Variants in KANSL1 observed in about 807,000 individuals in gnomAD.
KANSL1 encodes MLL1/MLL complex subunit KANSL1.
A neutral mutation model predicts 103.6 loss-of-function variants in KANSL1; 22 were observed. The observed-to-expected ratio is 0.21, with a 90% CI of 0.15 to 0.30. The LOEUF (loss-of-function observed/expected upper bound fraction) is 0.30. Ranked by LOEUF, KANSL1 falls within the 10% of genes least tolerant of loss-of-function variation. The pLI, the probability that KANSL1 is intolerant of heterozygous loss-of-function variation, is 1.00. For missense variants in KANSL1, 1,337 were observed against 1,399.8 expected (o/e 0.96, Z 0.72); for synonymous variants, 600 against 527.6 (o/e 1.14, Z -1.88).
intron 1 of KANSL1, among the ~76,000 whole-genome samples, chr17:46,217,279 C>T (rs2048369795): frequency 6.6e-6 from 1 of 151,906 alleles, no homozygotes; most frequent in Non-Finnish European, 1.5e-5. Context: ...AGTTCGAGAC[C>T]AGCCTGGCCA....
intron 6 of KANSL1, among the ~76,000 whole-genome samples, chr17:46,060,882 A>G (rs2078133430): frequency 6.6e-6 from 1 of 152,248 alleles, no homozygotes; most frequent in Non-Finnish European, 1.5e-5. Flanking sequence ...GACTACTCGG[A>G]ATTCTATGGA....
At chr17:46,113,138 T>C (rs777914714) in intron 2 of KANSL1, among the ~76,000 whole-genome samples, 1 of 152,212 alleles carries the variant, frequency 6.6e-6, no homozygotes, top group Non-Finnish European at 1.5e-5. Flanking sequence ...GGGATGGTAC[T>C]TGGTAGAGGC....
intron 2 of KANSL1, chr17:46,152,907 C>G (rs1485390591): frequency 6.6e-6 from 1 of 152,236 alleles, no homozygotes; most frequent in Non-Finnish European, 1.5e-5. Flanking sequence ...TACTTAGAAT[C>G]ACGATGAAAC....
chr17:46,106,565 G>C (rs1567681708), intron 2 of KANSL1, among the ~76,000 whole-genome samples: 1 of 152,076 alleles, frequency 6.6e-6, no homozygotes, highest in Non-Finnish European at 1.5e-5. Context: ...GCTAATTTTT[G>C]TATTTTTAGT....
rs1009401086 is a variant in KANSL1 at position 46,129,998 on chromosome 17, C to T, written c.1290-35297G>A. Among the ~76,000 whole-genome samples the T allele has an allele frequency of 2.0e-5, 3 of 151,908 alleles. No homozygotes were observed. The East Asian group carries it at 5.8e-4, about 29-fold the overall frequency. On this transcript the variant is annotated intron_variant, in intron 2 of 14. Coordinates refer to ENST00000432791, the MANE Select transcript of KANSL1 (RefSeq NM_015443.4). ...CCCAGGACATCAAGACCAGCCCGGG[C>T]AACATGGTGAAATCCCATCTCTACT...
At chr17:46,052,960 T>C (rs2077768944) in intron 6 of KANSL1, among the ~76,000 whole-genome samples, 1 of 35,394 alleles carries the variant, frequency 2.8e-5, no homozygotes, top group Non-Finnish European at 5.0e-5. Context: ...TAAGATCCTG[T>C]CTCCAAAAAA....
intron 6 of KANSL1, among the ~76,000 whole-genome samples, chr17:46,052,807 A>T (rs1457718991): frequency 1.3e-5 from 2 of 148,638 alleles, no homozygotes; most frequent in African/African-American, 4.9e-5. Context: ...AAAAAAAAAA[A>T]AAAAAAATTT....
intron 4 of KANSL1, 72 bp downstream of exon 4, chr17:46,082,367 CAG>C: frequency 2.2e-6 from 2 of 896,478 alleles, no homozygotes; most frequent in Non-Finnish European, 3.6e-6. Flanking sequence ...ATCCTAGTTA[CAG>C]AGAAAAAACG....
intron 4 of KANSL1, among the ~76,000 whole-genome samples, chr17:46,073,054 G>A (rs913248719): frequency 1.3e-5 from 2 of 152,162 alleles, no homozygotes; most frequent in Admixed American, 1.3e-4. Flanking sequence ...GCCAATATCT[G>A]TCCCTTTACC....
rs71138525 is a variant in KANSL1 at position 46,096,311 on chromosome 17, C to CTTTTTTTTTTTTTTTTTTTTTTTTTT, written c.1290-1611_1290-1610insAAAAAAAAAAAAAAAAAAAAAAAAAA. On this transcript the variant is annotated intron_variant, in intron 2 of 14. Coordinates refer to ENST00000432791, the MANE Select transcript of KANSL1 (RefSeq NM_015443.4). The stretch of plus-strand genomic sequence containing the variant: ...CATACTACATACCTGGCTTTTTTTT[C>CTTTTTTTTTTTTTTTTTTTTTTTTTT]TTTTTTTTTTTTTTTTTTTTTGAGA... 1.8e-3 allele frequency among the ~76,000 whole-genome samples: 134 copies of CTTTTTTTTTTTTTTTTTTTTTTTTTT among 76,388 alleles called. 7 individuals carry two copies. The Middle Eastern group carries it at 0.043, about 24-fold the overall frequency. The allele number at this position is 76,388 out of a possible 152,430, so 50.1% of individuals were successfully genotyped here.
intron 11 of KANSL1, 74 bp from the exon 12 acceptor site, chr17:46,033,534 C>T (rs2077069057): frequency 1.6e-6 from 2 of 1,239,230 alleles, no homozygotes; most frequent in Admixed American, 1.7e-5. Context: ...AGTGTCCATG[C>T]AAGGATGAGA....
intron 6 of KANSL1, among the ~76,000 whole-genome samples, chr17:46,055,091 C>T (rs2077870703): frequency 6.6e-6 from 1 of 151,806 alleles, no homozygotes; most frequent in African/African-American, 2.4e-5. Flanking sequence ...CCTCGTGATC[C>T]GCCTGCCTCA....
At chr17:46,084,847 C>A (rs1007750884) in intron 3 of KANSL1, among the ~76,000 whole-genome samples, 1 of 151,960 alleles carries the variant, frequency 6.6e-6, no homozygotes, top group South Asian at 2.1e-4. Flanking sequence ...ATTTTCTTCC[C>A]TAAATCAAAA....
intron 2 of KANSL1, among the ~76,000 whole-genome samples, chr17:46,149,626 G>A (rs112222458): frequency 7.0e-4 from 106 of 152,380 alleles, no homozygotes; most frequent in African/African-American, 2.5e-3. Flanking sequence ...TTGGCATACA[G>A]GGCATAGTCT....
chr17:46,136,083 T>C (rs1459388157), intron 2 of KANSL1, among the ~76,000 whole-genome samples: 1 of 152,166 alleles, frequency 6.6e-6, no homozygotes, highest in Non-Finnish European at 1.5e-5. Context: ...TGATATGCAC[T>C]AGGCTGAACA....
At chr17:46,045,790 GGAA>G (rs2077484215) in intron 7 of KANSL1, 1 of 152,232 alleles carries the variant, frequency 6.6e-6, no homozygotes, top group Non-Finnish European at 1.5e-5. Context: ...GCTGAATGAT[GGAA>G]CAGGAGCTGA....
intron 1 of KANSL1, among the ~76,000 whole-genome samples, chr17:46,199,530 C>T (rs969169083): frequency 1.3e-5 from 2 of 152,138 alleles, no homozygotes; most frequent in Admixed American, 6.5e-5. Flanking sequence ...TAAGATTAAA[C>T]AAAAGCATTT....
intron 2 of KANSL1, among the ~76,000 whole-genome samples, chr17:46,144,328 A>C (rs1354626352): frequency 6.6e-6 from 1 of 152,262 alleles, no homozygotes; most frequent in Non-Finnish European, 1.5e-5. Flanking sequence ...AAGAAATTCC[A>C]GATTTCCTCC....
Position 46,152,458 on chromosome 17 carries a change from T to C in KANSL1, c.1289+18397A>G, listed in dbSNP as rs1357026032. ...TACAACTATGAAGCTCTTTGTAGTT[T>C]TATTCCTAAAAATGCCTTTGAAGCA... On this transcript the variant is annotated intron_variant, in intron 2 of 14. Transcript: ENST00000432791. Among the ~76,000 whole-genome samples, 3 of 152,188 alleles carry C rather than the reference T, an allele frequency of 2.0e-5. No individual in the cohort carries two copies. In the East Asian group the frequency reaches 5.8e-4, roughly 29 times the overall value.
Sources: gnomAD v4.1 joint callset for allele counts (sites outside exome capture counted in the v4.1 genomes callset) on GRCh38, gnomAD v4.1.1 for gene constraint, MANE v1.5 for transcripts, NCBI Gene and HGNC (gene_info 2026-07-23, HGNC 2026-07-21) for gene names.